CTNNA3: variants seen among roughly 807,000 people sequenced by gnomAD.
CTNNA3 encodes the protein catenin alpha 3.
CTNNA3 carries 76 observed loss-of-function variants against 95.7 expected under a neutral mutation model. The ratio of observed to expected loss-of-function variants is 0.79; its 90% CI spans 0.66 to 0.96. The LOEUF is 0.96. Ranked by LOEUF, CTNNA3 falls within the 40% of genes least tolerant of loss-of-function variation. The probability of loss-of-function intolerance (pLI) is 0.00; values close to 1 mark genes in which losing one functional copy is unlikely to be tolerated. For synonymous variants in CTNNA3, 431 were observed against 374.4 expected (o/e 1.15, Z -1.74); for missense variants, 1,191 against 1,089.8 (o/e 1.09, Z -1.31).
chr10:66,024,364 C>T (rs1257918101), intron 15 of CTNNA3, among the ~76,000 whole-genome samples: 4 of 152,178 alleles, frequency 2.6e-5, no homozygotes. Flanking sequence ...GCTGGGATTA[C>T]AGGCGTGAGC....
chr10:66,935,108 A>G (rs1847622660), intron 7 of CTNNA3, among the ~76,000 whole-genome samples: 1 of 152,148 alleles, frequency 6.6e-6, no homozygotes, highest in South Asian at 2.1e-4. Context: ...AAGAAAGAAT[A>G]TGCTTACCAA....
In CTNNA3 at chr10:65,993,969, C is replaced by T. The variant is rs767180002; in HGVS notation, c.2160-5172G>A. On this transcript the variant is annotated intron_variant, in intron 15 of 17. Transcript: ENST00000433211. ...CAGACTGGTCTTGAACTCCTGACCT[C>T]GCGATCTGCCCACCTCAGCCTCCCA... Among the ~76,000 whole-genome samples, 10 of 152,192 alleles carry T rather than the reference C, an allele frequency of 6.6e-5. No homozygotes were observed. The East Asian group carries it at 7.8e-4, about 12-fold the overall frequency.
Position 66,997,499 on chromosome 10 carries a change from T to C in CTNNA3, c.1047+182818A>G, listed in dbSNP as rs571861332. Among the ~76,000 whole-genome samples, 4 of 152,336 alleles carry C rather than the reference T, an allele frequency of 2.6e-5. No homozygotes were observed. In the South Asian group the frequency reaches 8.3e-4, roughly 32 times the overall value. On this transcript the variant is annotated intron_variant, in intron 7 of 17. Transcript: ENST00000433211. ...ATCTAGAACAGTTTAAACCAAATTC[T>C]TGTCTGTTCATAAGCTCTGGTAAAA...
At chr10:66,942,393 C>A (rs899077733) in intron 7 of CTNNA3, among the ~76,000 whole-genome samples, 4 of 152,152 alleles carry the variant, frequency 2.6e-5, no homozygotes, top group Admixed American at 2.0e-4. Context: ...ATTAAGTATT[C>A]TTCTGTAACA....
At chr10:66,889,025 T>A (rs2132487314) in intron 7 of CTNNA3, among the ~76,000 whole-genome samples, 1 of 152,322 alleles carries the variant, frequency 6.6e-6, no homozygotes, top group Non-Finnish European at 1.5e-5. Flanking sequence ...GACAATGGAA[T>A]ATTATTCAGT....
intron 1 of CTNNA3, among the ~76,000 whole-genome samples, chr10:67,735,054 G>A (rs1841294807): frequency 2.0e-5 from 3 of 151,448 alleles, no homozygotes; most frequent in South Asian, 2.1e-4. Context: ...CAATGTCCTC[G>A]ACACTGACAC....
chr10:66,617,229 C>T (rs1451713210), intron 10 of CTNNA3, among the ~76,000 whole-genome samples: 2 of 151,932 alleles, frequency 1.3e-5, no homozygotes, highest in African/African-American at 4.8e-5. Flanking sequence ...TAATAAGTCA[C>T]AGCTGGAGGA....
At position 66,948,305 on chromosome 10, in the gene CTNNA3, C is replaced by A. The variant is rs1412335516; in HGVS notation, c.1048-172781G>T. ...ATGTACAAAGAAAGTTTTAATAAAGCTTTTCTGAATGCATTGACCAAAGAT... is the reference window on the plus strand; with the variant it reads ...ATGTACAAAGAAAGTTTTAATAAAGATTTTCTGAATGCATTGACCAAAGAT... On this transcript the variant is annotated intron_variant, in intron 7 of 17. Coordinates refer to ENST00000433211, the MANE Select transcript of CTNNA3 (RefSeq NM_013266.4). Among the ~76,000 whole-genome samples the A allele has an allele frequency of 4.6e-5, 7 of 152,300 alleles. No individual in the cohort carries two copies. In the East Asian group the frequency reaches 7.7e-4, roughly 17 times the overall value.
chr10:67,208,396 TAG>T (rs1864000480), intron 6 of CTNNA3, among the ~76,000 whole-genome samples: 1 of 128,980 alleles, frequency 7.8e-6, no homozygotes, highest in African/African-American at 3.0e-5. Flanking sequence ...AAAAAAAAAA[TAG>T]CCACAGAAAA....
chr10:67,601,443 G>A (rs532185972), intron 3 of CTNNA3, among the ~76,000 whole-genome samples: 6 of 152,110 alleles, frequency 3.9e-5, no homozygotes, highest in Non-Finnish European at 8.8e-5. Flanking sequence ...TCTGTCAGGA[G>A]GTGGAGCTTA....
intron 11 of CTNNA3, among the ~76,000 whole-genome samples, chr10:66,470,342 A>C (rs188459113): frequency 8.6e-5 from 13 of 151,998 alleles, no homozygotes; most frequent in Non-Finnish European, 1.9e-4. Context: ...AATTGCAAGG[A>C]GTCAACATGA....
chr10:66,852,409 A>G (rs2132385334), intron 7 of CTNNA3, among the ~76,000 whole-genome samples: 1 of 152,276 alleles, frequency 6.6e-6, no homozygotes, highest in African/African-American at 2.4e-5. Context: ...ACAAATCTAA[A>G]AGAAAGCAAT....
At chr10:66,766,910 CAAG>C in intron 8 of CTNNA3, among the ~76,000 whole-genome samples, 2 of 152,262 alleles carry the variant, frequency 1.3e-5, no homozygotes, top group Middle Eastern at 6.8e-3. Flanking sequence ...ATTAATAGAG[CAAG>C]AAGAATAATA....
chr10:67,135,865 A>C (rs1184171146), intron 7 of CTNNA3, among the ~76,000 whole-genome samples: 1 of 152,192 alleles, frequency 6.6e-6, no homozygotes, highest in Admixed American at 6.5e-5. Context: ...TGACCCAATT[A>C]TATGTTTCTA....
At chr10:66,036,716 T>C (rs1193288132) in intron 15 of CTNNA3, among the ~76,000 whole-genome samples, 2 of 152,118 alleles carry the variant, frequency 1.3e-5, no homozygotes, top group Non-Finnish European at 2.9e-5. Context: ...CAACCGTTTT[T>C]ACTAACTCCT....
At chr10:66,956,125 T>C (rs932067322) in intron 7 of CTNNA3, among the ~76,000 whole-genome samples, 1 of 151,990 alleles carries the variant, frequency 6.6e-6, no homozygotes, top group Non-Finnish European at 1.5e-5. Context: ...AAGAACCTTT[T>C]TGCTTGTTAG....
chr10:66,227,709 C>T (rs1432846399), intron 13 of CTNNA3, among the ~76,000 whole-genome samples: 1 of 152,024 alleles, frequency 6.6e-6, no homozygotes, highest in Non-Finnish European at 1.5e-5. Context: ...AAAGTTTGTA[C>T]TCCTTTTTAC....
At chr10:66,235,391 T>C (rs1265384080) in intron 13 of CTNNA3, among the ~76,000 whole-genome samples, 1 of 151,076 alleles carries the variant, frequency 6.6e-6, no homozygotes, top group South Asian at 2.1e-4. Context: ...GTTTTATTAA[T>C]ATTCTATTAC....
Position 67,169,834 on chromosome 10 carries a change from A to G in CTNNA3, c.1047+10483T>C, listed in dbSNP as rs144731594. ...TATCAACACAGTAAACAGACAACCT[A>G]CAGATGGGAGAAAATATTTGCAAAC... On this transcript the variant is annotated intron_variant, in intron 7 of 17. Transcript: ENST00000433211. 2.7e-3 allele frequency among the ~76,000 whole-genome samples: 418 copies of G among 152,330 alleles called. 4 individuals are homozygous for G. Among genetic ancestry groups the G allele is most frequent in the African/African-American group, 9.5e-3 (395 of 41,580 alleles).
Sources: gnomAD v4.1 joint callset for allele counts (sites outside exome capture counted in the v4.1 genomes callset) on GRCh38, gnomAD v4.1.1 for gene constraint, MANE v1.5 for transcripts, NCBI Gene and HGNC (gene_info 2026-07-23, HGNC 2026-07-21) for gene names.